RPS6KA2: variants seen among roughly 807,000 people sequenced by gnomAD.
RPS6KA2 encodes ribosomal protein S6 kinase A2.
Under a neutral mutation model 91.8 loss-of-function variants are expected in RPS6KA2, and 42 were observed. The ratio of observed to expected loss-of-function variants is 0.46; its 90% CI spans 0.36 to 0.59. RPS6KA2 has a LOEUF of 0.59. RPS6KA2 is among the 20% of genes least tolerant of loss of function. The pLI is 0.00. For synonymous variants in RPS6KA2, 414 were observed against 393.6 expected (o/e 1.05, Z -0.61); for missense variants, 798 against 978.5 (o/e 0.82, Z 2.46).
At chr6:166,862,153 C>A (rs1675941934) in exon 1 of RPS6KA2, 7 of 1,614,246 alleles carry the variant, frequency 4.3e-6, no homozygotes, top group Non-Finnish European at 5.9e-6. Flanking sequence ...ATAGTTCCAG[C>A]AACTGTGCGA....
chr6:166,415,968 T>TCAC, intron 19 of RPS6KA2, among the ~76,000 whole-genome samples: 1 of 105,702 alleles, frequency 9.5e-6, no homozygotes, highest in Admixed American at 1.0e-4. Context: ...ACCATCATCT[T>TCAC]CACCATCTCC....
intron 2 of RPS6KA2, among the ~76,000 whole-genome samples, chr6:166,850,633 C>T (rs367668015): frequency 2.4e-4 from 36 of 152,146 alleles, no homozygotes; most frequent in Non-Finnish European, 4.3e-4. Flanking sequence ...GTGAGTTCCA[C>T]GCAGCCTCGG....
chr6:166,420,635 C>T (rs1436116589), intron 17 of RPS6KA2, among the ~76,000 whole-genome samples: 4 of 152,216 alleles, frequency 2.6e-5, no homozygotes, highest in Non-Finnish European at 5.9e-5. Flanking sequence ...ACCCATTCAT[C>T]CACCGAGGGA....
At chr6:166,430,879 G>A (rs79743733) in intron 15 of RPS6KA2, among the ~76,000 whole-genome samples, 2,210 of 152,244 alleles carry the variant, frequency 0.015, 47 homozygotes, top group African/African-American at 0.051. Flanking sequence ...GTCCTTAGCT[G>A]AGATGAATGG....
rs117499399 is a variant in RPS6KA2 at position 166,544,220 on chromosome 6, C to T, written c.100-5436G>A. Among the ~76,000 whole-genome samples, 901 of 152,356 alleles carry T rather than the reference C, an allele frequency of 5.9e-3. 4 individuals are homozygous for T. Among genetic ancestry groups the T allele is most frequent in the Non-Finnish European group, 1.0e-2 (678 of 68,032 alleles). ...TTGTATTTCACATGAGGGCTAGCCA[C>T]ATGTAGTCTACCACGCCGCTAGAAT... On this transcript the variant is annotated intron_variant, in intron 1 of 20. Transcript: ENST00000265678.
At chr6:166,771,253 G>A (rs535263710) in intron 2 of RPS6KA2, among the ~76,000 whole-genome samples, 13 of 152,272 alleles carry the variant, frequency 8.5e-5, no homozygotes, top group African/African-American at 2.9e-4. Flanking sequence ...TCCAAGCCAC[G>A]CATCAGTGAC....
chr6:166,820,271 T>C (rs573402403), intron 2 of RPS6KA2, among the ~76,000 whole-genome samples: 80 of 152,294 alleles, frequency 5.3e-4, no homozygotes, highest in African/African-American at 1.9e-3. Flanking sequence ...CAGCCTCCCA[T>C]GTCTGTCCAA....
At chr6:166,489,035 G>GCT in intron 9 of RPS6KA2, 114 bp from the exon 10 acceptor site, 1 of 830,862 alleles carries the variant, frequency 1.2e-6, no homozygotes, top group Non-Finnish European at 2.0e-6. Context: ...AGCAGCCCGT[G>GCT]CTCTACCACG....
intron 1 of RPS6KA2, among the ~76,000 whole-genome samples, chr6:166,858,936 G>A (rs976510504): frequency 9.3e-5 from 14 of 150,114 alleles, no homozygotes; most frequent in African/African-American, 1.7e-4. Flanking sequence ...CATCAGCACC[G>A]GCTGCCATGC....
At chr6:166,584,113 G>A (rs150708777) in intron 1 of RPS6KA2, among the ~76,000 whole-genome samples, 1 of 152,306 alleles carries the variant, frequency 6.6e-6, no homozygotes, top group Non-Finnish European at 1.5e-5. Context: ...GGATTGGGTG[G>A]CTTACAAAAC....
intron 2 of RPS6KA2, among the ~76,000 whole-genome samples, chr6:166,813,057 T>C (rs760191022): frequency 6.6e-6 from 1 of 152,156 alleles, no homozygotes; most frequent in African/African-American, 2.4e-5. Flanking sequence ...TTGATTTTGT[T>C]TGTGGCTTGA....
At chr6:166,593,569 T>C (rs529072886) in intron 1 of RPS6KA2, among the ~76,000 whole-genome samples, 14 of 152,166 alleles carry the variant, frequency 9.2e-5, no homozygotes, top group Non-Finnish European at 1.9e-4. Context: ...AGATAATTTA[T>C]AAAGGAAATA....
At chr6:166,455,659 G>T in intron 12 of RPS6KA2, among the ~76,000 whole-genome samples, 1 of 152,216 alleles carries the variant, frequency 6.6e-6, no homozygotes, top group Non-Finnish European at 1.5e-5. Flanking sequence ...AGCGCGACCC[G>T]GCAGAGAAGC....
Position 166,411,472 on chromosome 6 carries a change from C to G in RPS6KA2, c.*1290G>C, listed in dbSNP as rs771892388. The G allele has an allele frequency of 6.6e-6, 1 of 152,300 alleles. No homozygotes were observed. The highest frequency in any genetic ancestry group is 2.4e-5 in the African/African-American group (1 of 41,456). 9.4% of individuals were successfully genotyped at this position (152,300 alleles called of 1,614,324 possible). A position where few individuals can be genotyped will look rare whatever the true frequency, so the allele number is the denominator to read the frequency against. On this transcript the variant is annotated 3_prime_UTR_variant, in exon 21 of 21. Transcript: ENST00000265678. The surrounding 1 kb of genome is among the most constrained non-coding windows in gnomAD (Gnocchi z 4.5). ...ACAATGAAGGACCCGTGTGTTCCCTCTGCCGGCTGGACTGGGCGTCGATCC... is the reference window on the plus strand; with the variant it reads ...ACAATGAAGGACCCGTGTGTTCCCTGTGCCGGCTGGACTGGGCGTCGATCC...
At chr6:166,845,784 TAAGGTCACACCTC>T (rs1176435147) in intron 2 of RPS6KA2, among the ~76,000 whole-genome samples, 3 of 151,894 alleles carry the variant, frequency 2.0e-5, no homozygotes. Context: ...ATAGACAATC[TAAGGTCACACCTC>T]AAGGAACTGG....
intron 2 of RPS6KA2, among the ~76,000 whole-genome samples, chr6:166,831,521 G>C (rs929274723): frequency 6.6e-6 from 1 of 151,864 alleles, no homozygotes; most frequent in Non-Finnish European, 1.5e-5. Flanking sequence ...TGCCTTGTCC[G>C]CACCTCTTCA....
chr6:166,828,089 C>T (rs949939139), intron 2 of RPS6KA2, among the ~76,000 whole-genome samples: 2 of 152,214 alleles, frequency 1.3e-5, no homozygotes, highest in Admixed American at 6.5e-5. Context: ...AAAGTAAGTA[C>T]AAACCCATGG....
At chr6:166,680,739 G>A (rs940742491) in intron 2 of RPS6KA2, among the ~76,000 whole-genome samples, 1 of 152,190 alleles carries the variant, frequency 6.6e-6, no homozygotes, top group Non-Finnish European at 1.5e-5. Context: ...AACATCTGAA[G>A]GAACAAGCTC....
intron 2 of RPS6KA2, among the ~76,000 whole-genome samples, chr6:166,535,417 T>G (rs774484722): frequency 5.9e-5 from 9 of 152,246 alleles, no homozygotes; most frequent in Non-Finnish European, 1.2e-4. Context: ...TTTAAAGACA[T>G]GTTCTTATCA....
Sources: gnomAD v4.1 joint callset for allele counts (sites outside exome capture counted in the v4.1 genomes callset) on GRCh38, gnomAD v4.1.1 for gene constraint, Gnocchi (gnomAD v3.1) non-coding constraint, MANE v1.5 for transcripts, NCBI Gene and HGNC (gene_info 2026-07-23, HGNC 2026-07-21) for gene names.